The following PTPRD variants were observed in gnomAD, a reference collection of about 807,000 sequenced individuals.
PTPRD encodes receptor-type tyrosine-protein phosphatase delta.
PTPRD carries 34 observed loss-of-function variants against 214.5 expected under a neutral mutation model. The ratio of observed to expected loss-of-function variants is 0.16; its 90% CI spans 0.12 to 0.21. The LOEUF is 0.21. Ranked by LOEUF, PTPRD falls within the 10% of genes least tolerant of loss-of-function variation. The pLI, the probability that PTPRD is intolerant of heterozygous loss-of-function variation, is 1.00. For missense variants in PTPRD, 2,545 were observed against 2,398.7 expected, an observed-to-expected ratio of 1.06 and a Z score of -1.27; for synonymous variants, 1,128 against 845.7, an observed-to-expected ratio of 1.33 and a Z score of -5.79.
intron 3 of PTPRD, among the ~76,000 whole-genome samples, chr9:10,289,302 A>G (rs2095460981): frequency 6.6e-6 from 1 of 152,180 alleles, no homozygotes; most frequent in Non-Finnish European, 1.5e-5. Flanking sequence ...GCAAGGCAGC[A>G]ACTTTTACAC....
chr9:9,729,718 T>A (rs1396108729), intron 7 of PTPRD, among the ~76,000 whole-genome samples: 1 of 152,024 alleles, frequency 6.6e-6, no homozygotes, highest in Non-Finnish European at 1.5e-5. Flanking sequence ...ATATCCTTTT[T>A]ATATTACCCA....
intron 11 of PTPRD, among the ~76,000 whole-genome samples, chr9:8,832,878 AAAT>A (rs1392196055): frequency 6.6e-6 from 1 of 152,092 alleles, no homozygotes; most frequent in Non-Finnish European, 1.5e-5. Context: ...AAAGAACAAA[AAAT>A]AATATCTGAA....
chr9:9,611,539 T>C (rs1207378212), intron 7 of PTPRD, among the ~76,000 whole-genome samples: 4 of 152,092 alleles, frequency 2.6e-5, no homozygotes, highest in African/African-American at 9.7e-5. Context: ...GTATAAAACA[T>C]TTGGATGTAT....
chr9:10,561,436 C>T (rs951699807), intron 2 of PTPRD, among the ~76,000 whole-genome samples: 1 of 152,080 alleles, frequency 6.6e-6, no homozygotes, highest in Non-Finnish European at 1.5e-5. Flanking sequence ...TTCTCCACTG[C>T]AACTTGATTA....
intron 9 of PTPRD, among the ~76,000 whole-genome samples, chr9:9,339,998 T>C (rs1292537857): frequency 6.6e-6 from 1 of 152,170 alleles, no homozygotes; most frequent in African/African-American, 2.4e-5. Flanking sequence ...AGGCTGTATG[T>C]AAATTTATTT....
intron 4 of PTPRD, among the ~76,000 whole-genome samples, chr9:9,947,364 T>A (rs1457188346): frequency 4.0e-4 from 16 of 39,644 alleles, no homozygotes; most frequent in East Asian, 9.7e-3. Flanking sequence ...TTATATATAT[T>A]ATATATATAT....
chr9:9,911,804 T>C (rs950116729), intron 5 of PTPRD, among the ~76,000 whole-genome samples: 10 of 152,078 alleles, frequency 6.6e-5, no homozygotes, highest in African/African-American at 2.2e-4. Flanking sequence ...GTTAATAAAA[T>C]AATTCATTTT....
intron 9 of PTPRD, among the ~76,000 whole-genome samples, chr9:9,339,268 G>C (rs1459341492): frequency 6.6e-6 from 1 of 151,766 alleles, no homozygotes; most frequent in Non-Finnish European, 1.5e-5. Context: ...ACGAGGTCAG[G>C]AGATCGAGAC....
intron 11 of PTPRD, among the ~76,000 whole-genome samples, chr9:8,849,685 C>G (rs967252596): frequency 6.6e-6 from 1 of 152,076 alleles, no homozygotes; most frequent in East Asian, 1.9e-4. Context: ...AAGAGGTGCC[C>G]AAAAGCACAG....
At chr9:9,297,469 T>C (rs1236289272) in intron 9 of PTPRD, among the ~76,000 whole-genome samples, 1 of 151,520 alleles carries the variant, frequency 6.6e-6, no homozygotes, top group Non-Finnish European at 1.5e-5. Context: ...AAAATCCCAA[T>C]AAATATCACC....
intron 5 of PTPRD, among the ~76,000 whole-genome samples, chr9:9,809,382 C>A (rs2046436156): frequency 6.6e-6 from 1 of 151,808 alleles, no homozygotes; most frequent in South Asian, 2.1e-4. Flanking sequence ...ATTCTCCCAC[C>A]TCAGCCTCCC....
At chr9:9,042,184 G>C (rs2099642113) in intron 10 of PTPRD, among the ~76,000 whole-genome samples, 1 of 152,120 alleles carries the variant, frequency 6.6e-6, no homozygotes, top group Non-Finnish European at 1.5e-5. Context: ...TTGTCTCTGT[G>C]AGTCTGCAAC....
At chr9:8,634,431 T>C (rs1026256645) in intron 13 of PTPRD, among the ~76,000 whole-genome samples, 8 of 152,056 alleles carry the variant, frequency 5.3e-5, no homozygotes, top group Admixed American at 1.3e-4. Context: ...TATATATATT[T>C]ATGGGGTGCT....
intron 9 of PTPRD, among the ~76,000 whole-genome samples, chr9:9,231,403 C>T (rs1286951139): frequency 6.6e-6 from 1 of 152,026 alleles, no homozygotes. Context: ...CAGATATAAT[C>T]AGGAATTTTA....
At chr9:9,950,674 G>A (rs1458991512) in intron 4 of PTPRD, among the ~76,000 whole-genome samples, 1 of 29,018 alleles carries the variant, frequency 3.4e-5, no homozygotes, top group Non-Finnish European at 4.4e-5. Flanking sequence ...GCAGTGAGCC[G>A]AGATCGCGCC....
At chr9:9,006,804 T>A (rs994982661) in intron 11 of PTPRD, among the ~76,000 whole-genome samples, 3 of 152,066 alleles carry the variant, frequency 2.0e-5, no homozygotes, top group Non-Finnish European at 4.4e-5. Flanking sequence ...GTTTTTTCTT[T>A]TTTTATAGTA....
At chr9:8,451,513 G>A (rs192375935) in intron 33 of PTPRD, among the ~76,000 whole-genome samples, 1 of 152,294 alleles carries the variant, frequency 6.6e-6, no homozygotes, top group East Asian at 1.9e-4. Flanking sequence ...CATGCGAAAG[G>A]AGGACATGAT....
chr9:9,365,243 A>G (rs571978951), intron 9 of PTPRD, among the ~76,000 whole-genome samples: 94 of 151,696 alleles, frequency 6.2e-4, no homozygotes, highest in African/African-American at 2.2e-3. Flanking sequence ...TCTCTATTAT[A>G]TGACCAGAGA....
chr9:9,106,005 T>C (rs1402569963), intron 10 of PTPRD, among the ~76,000 whole-genome samples: 1 of 152,094 alleles, frequency 6.6e-6, no homozygotes, highest in Non-Finnish European at 1.5e-5. Context: ...ATTGTGCTTT[T>C]CTCTAGGACA....
Sources: allele counts gnomAD v4.1 joint callset (sites outside exome capture counted in the v4.1 genomes callset), GRCh38; gene constraint gnomAD v4.1.1; transcripts MANE v1.5; gene names NCBI Gene and HGNC (gene_info 2026-07-23, HGNC 2026-07-21).